The following SCN10A variants were observed in gnomAD, a reference collection of about 807,000 sequenced individuals.
The protein encoded by SCN10A is sodium voltage-gated channel alpha subunit 10, also known as sodium channel protein type 10 subunit alpha.
SCN10A carries 162 observed loss-of-function variants against 170.7 expected under a neutral mutation model. The observed-to-expected ratio is 0.95, with a 90% CI of 0.84 to 1.08. The LOEUF is 1.08. Ranked by LOEUF, SCN10A falls within the 50% of genes least tolerant of loss-of-function variation. The pLI, the probability that SCN10A is intolerant of heterozygous loss-of-function variation, is 0.00. For synonymous variants in SCN10A, 985 were observed against 904.6 expected, an observed-to-expected ratio of 1.09 and a Z score of -1.59; for missense variants, 2,527 against 2,436.9, an observed-to-expected ratio of 1.04 and a Z score of -0.78.
At chr3:38,784,496 C>T (rs920778158) in intron 4 of SCN10A, among the ~76,000 whole-genome samples, 4 of 152,066 alleles carry the variant, frequency 2.6e-5, no homozygotes, top group Non-Finnish European at 5.9e-5. Flanking sequence ...ATAATAAGAA[C>T]TATTTATGAC....
chr3:38,745,159 CTTGACATTGT>C, intron 13 of SCN10A, among the ~76,000 whole-genome samples: 1 of 152,318 alleles, frequency 6.6e-6, no homozygotes, highest in East Asian at 1.9e-4. Flanking sequence ...TGTAAACAGC[CTTGACATTGT>C]TGAACTTGAT....
chr3:38,742,861 C>T (rs1424034676), intron 13 of SCN10A, among the ~76,000 whole-genome samples: 2 of 152,210 alleles, frequency 1.3e-5, no homozygotes, highest in African/African-American at 2.4e-5. Flanking sequence ...ACCCTCAATT[C>T]CTTTGCCCCT....
chr3:38,792,562 T>G (rs1163775347), intron 2 of SCN10A, among the ~76,000 whole-genome samples: 1 of 152,230 alleles, frequency 6.6e-6, no homozygotes, highest in Admixed American at 6.5e-5. Context: ...GTAATGTTTC[T>G]TCTGTCTCCA....
intron 1 of SCN10A, 116 bp from the exon 2 acceptor site, chr3:38,794,158 C>T (rs2064321993): frequency 1.4e-6 from 1 of 701,878 alleles, no homozygotes; most frequent in Admixed American, 2.7e-5. Context: ...ATATCTGGCC[C>T]CTCCCTGAAC....
intron 24 of SCN10A, among the ~76,000 whole-genome samples, chr3:38,710,632 C>T (rs1033204006): frequency 2.0e-5 from 3 of 152,082 alleles, no homozygotes; most frequent in Non-Finnish European, 4.4e-5. Context: ...CCTCGAGAAG[C>T]CTGGGGAGTG....
intron 13 of SCN10A, among the ~76,000 whole-genome samples, chr3:38,747,986 A>G (rs1423796386): frequency 6.6e-6 from 1 of 152,190 alleles, no homozygotes; most frequent in African/African-American, 2.4e-5. Context: ...TCAGTTCACC[A>G]CTGAATCCCA....
chr3:38,741,391 TTCAAATTCTGATGTG>T (rs2063630688), intron 14 of SCN10A, among the ~76,000 whole-genome samples: 1 of 152,016 alleles, frequency 6.6e-6, no homozygotes, highest in Non-Finnish European at 1.5e-5. Flanking sequence ...TCTGTCTGGG[TTCAAATTCTGATGTG>T]GCCACTAAAC....
chr3:38,738,676 C>T (rs2063596848), intron 15 of SCN10A, among the ~76,000 whole-genome samples: 1 of 152,186 alleles, frequency 6.6e-6, no homozygotes, highest in South Asian at 2.1e-4. Flanking sequence ...CAAGCCGTGA[C>T]ATTTCTTCAG....
chr3:38,750,026 A>T, intron 13 of SCN10A, 47 bp downstream of exon 13: 2 of 1,048,016 alleles, frequency 1.9e-6, no homozygotes, highest in East Asian at 2.4e-5. Flanking sequence ...CTCACATGGG[A>T]ATTCATCATG....
intron 4 of SCN10A, among the ~76,000 whole-genome samples, chr3:38,785,866 CAT>C (rs1194972918): frequency 2.6e-5 from 4 of 152,182 alleles, no homozygotes; most frequent in Non-Finnish European, 5.9e-5. Flanking sequence ...AGCCAATAAA[CAT>C]ATGATAAAAA....
chr3:38,785,659 G>T (rs2064190806), intron 4 of SCN10A, among the ~76,000 whole-genome samples: 1 of 152,128 alleles, frequency 6.6e-6, no homozygotes, highest in African/African-American at 2.4e-5. Flanking sequence ...AAGAGCTTCT[G>T]CACAGCAAAA....
At chr3:38,780,340 AT>A (rs768563062) in intron 4 of SCN10A, among the ~76,000 whole-genome samples, 1 of 151,842 alleles carries the variant, frequency 6.6e-6, no homozygotes, top group Non-Finnish European at 1.5e-5. Flanking sequence ...GAATTCTATA[AT>A]TTTAGCCTTT....
At position 38,742,314 on chromosome 3, in the gene SCN10A, C is replaced by T. The variant is rs1429171505; in HGVS notation, c.2083G>A (p.Ala695Thr). 4.3e-6 allele frequency: 7 copies of T among 1,613,428 alleles called. No homozygotes were observed. The African/African-American group carries it at 5.3e-5, about 12-fold the overall frequency. The change falls in exon 14 of 28, where the codon GCC becomes ACC. Residue 695 changes from alanine to threonine, a missense_variant. Ala to Thr is a moderately conservative substitution (Grantham distance 58, BLOSUM62 0). Transcript: ENST00000449082. ...ACGATGTTGCCTATCTGGAGCATGG[C>T]TTCGAAGGTAGGGCTCATGCCATGG... ...EHHGMSPTFE[A>T]MLQIGNIVFT...
intron 11 of SCN10A, among the ~76,000 whole-genome samples, chr3:38,753,957 G>A (rs2063775579): frequency 6.6e-6 from 1 of 152,018 alleles, no homozygotes; most frequent in African/African-American, 2.4e-5. Flanking sequence ...AATTTCTATT[G>A]GTTATAAAAT....
rs575274484 is a variant in SCN10A, at chr3:38,771,468, T to C, written c.471-61A>G. On this transcript the variant is annotated intron_variant, in intron 4 of 27. Transcript: ENST00000449082. ...CCATGGAGTGTACTCAGGGGGTTCC[T>C]TCTTCCAGGAGGGAGGGATGACCTG... 117 of 1,577,730 alleles carry C rather than the reference T, an allele frequency of 7.4e-5. No individual in the cohort carries two copies. In the African/African-American group the frequency reaches 1.5e-3, roughly 21 times the overall value.
intron 1 of SCN10A, among the ~76,000 whole-genome samples, chr3:38,814,438 T>C (rs2064459465): frequency 6.6e-6 from 1 of 152,206 alleles, no homozygotes; most frequent in Non-Finnish European, 1.5e-5. Flanking sequence ...AGAGCCTTCT[T>C]GACTTGATTG....
intron 2 of SCN10A, among the ~76,000 whole-genome samples, chr3:38,792,585 C>G (rs1488803059): frequency 2.0e-5 from 3 of 152,236 alleles, no homozygotes; most frequent in African/African-American, 4.8e-5. Flanking sequence ...TTCTACATCT[C>G]TGTCTCTTAA....
chr3:38,749,655 T>G (rs188365902), intron 13 of SCN10A, among the ~76,000 whole-genome samples: 1 of 152,216 alleles, frequency 6.6e-6, no homozygotes, highest in Non-Finnish European at 1.5e-5. Context: ...TACAACTGTG[T>G]AAGTTACAAC....
intron 16 of SCN10A, 122 bp from the exon 17 acceptor site, chr3:38,727,174 G>A (rs2063467394): frequency 2.3e-6 from 2 of 854,294 alleles, no homozygotes; most frequent in South Asian, 1.7e-5. Context: ...GCCCACCCGG[G>A]ATGCTGTCCC....
Sources: allele counts gnomAD v4.1 joint callset (sites outside exome capture counted in the v4.1 genomes callset), GRCh38; gene constraint gnomAD v4.1.1; transcripts MANE v1.5; gene names NCBI Gene and HGNC (gene_info 2026-07-23, HGNC 2026-07-21).